The following RC3H1 variants were observed in gnomAD, a reference collection of about 807,000 sequenced individuals.
RC3H1 encodes the protein roquin-1.
A neutral mutation model predicts 138.2 loss-of-function variants in RC3H1; 50 were observed. The observed-to-expected ratio is 0.36, with a 90% confidence interval of 0.29 to 0.46. The LOEUF (loss-of-function observed/expected upper bound fraction) is 0.46, where lower values mean the gene tolerates loss of function less well. Ranked by LOEUF, RC3H1 falls within the 20% of genes least tolerant of loss-of-function variation. The pLI is 1.00. For missense variants in RC3H1, 1,031 were observed against 1,388.1 expected (o/e 0.74, Z 4.09); for synonymous variants, 462 against 489.1 (o/e 0.94, Z 0.73).
chr1:173,965,218 T>G, intron 9 of RC3H1, 98 bp from the exon 10 acceptor site: 1 of 1,081,578 alleles, frequency 9.2e-7, no homozygotes, highest in South Asian at 1.7e-5. Context: ...TATTCTCTCT[T>G]GAAACATTAA....
rs1658474012 is a variant in RC3H1, at chr1:173,933,723, T to A, written c.*4998A>T. 1 of 152,078 alleles carries A rather than the reference T, an allele frequency of 6.6e-6. No individual in the cohort carries two copies. The highest frequency in any genetic ancestry group is 2.1e-4 in the South Asian group (1 of 4,826). The allele number at this position is 152,078 out of a possible 1,614,324, so 9.4% of individuals were successfully genotyped here. ...ATATAAAAATCATAGCTGTCCAAGG[T>A]AGAAAGGTATGAATGTGGATCAGCA... On this transcript the variant is annotated 3_prime_UTR_variant, in exon 20 of 20. Transcript: ENST00000367696.
intron 1 of RC3H1, among the ~76,000 whole-genome samples, chr1:174,014,907 A>G (rs1661833250): frequency 6.6e-6 from 1 of 152,228 alleles, no homozygotes; most frequent in Admixed American, 6.5e-5. Context: ...AATTACAAAC[A>G]TAATTTTCCC....
At chr1:173,976,605 A>G (rs1283704640) in intron 7 of RC3H1, among the ~76,000 whole-genome samples, 1 of 152,218 alleles carries the variant, frequency 6.6e-6, no homozygotes, top group Non-Finnish European at 1.5e-5. Flanking sequence ...AGTTGAGTTC[A>G]AGAGTGTGCC....
chr1:173,955,715 A>G (rs1659615440), intron 13 of RC3H1, among the ~76,000 whole-genome samples: 1 of 152,180 alleles, frequency 6.6e-6, no homozygotes, highest in South Asian at 2.1e-4. Context: ...TTTTCCTTGA[A>G]ATAAAATCTG....
rs1205540902 is a variant in RC3H1 at position 173,934,989 on chromosome 1, T to C, written c.*3732A>G. 6.6e-6 allele frequency: 1 copy of C among 151,830 alleles called. No individual in the cohort carries two copies. 9.4% of individuals were successfully genotyped at this position (151,830 alleles called of 1,614,324 possible). On this transcript the variant is annotated 3_prime_UTR_variant, in exon 20 of 20. Coordinates refer to ENST00000367696, the MANE Select transcript of RC3H1 (RefSeq NM_172071.4). ...AGAATAGAAGGGAAGGGAAATAAGA[T>C]GGGAGAAAGGAATCACCAACATTAA...
Position 173,941,328 on chromosome 1 carries a change from G to C in RC3H1, c.3188C>G (p.Ala1063Gly). Reference sequence around the variant, plus strand: ...TTGTGGTTCTGGTTGTCCATTTTCTGCTTGTTTACTTGTATTCAGTTTGCT... The same window carrying C: ...TTGTGGTTCTGGTTGTCCATTTTCTCCTTGTTTACTTGTATTCAGTTTGCT... ...MKSKLNTSKQ[A>G]ENGQPEPQNK... The change falls in exon 19 of 20, where the codon GCA (alanine) becomes GGA (glycine). Residue 1063 changes from alanine to glycine, a missense_variant. By Grantham distance (60) the Ala-to-Gly change is moderately conservative. Around this residue, in one of 7 missense-constraint regions of RC3H1, gnomAD observed 716 missense variants for 837.9 expected, o/e 0.85. Coordinates refer to ENST00000367696, the MANE Select transcript of RC3H1 (RefSeq NM_172071.4). 1 of 1,613,744 alleles carries C rather than the reference G, an allele frequency of 6.2e-7. No individual in the cohort carries two copies. Among genetic ancestry groups the C allele is most frequent in the Non-Finnish European group, 8.5e-7 (1 of 1,179,860 alleles).
At chr1:173,971,292 A>G (rs1660351116) in intron 8 of RC3H1, among the ~76,000 whole-genome samples, 1 of 152,050 alleles carries the variant, frequency 6.6e-6, no homozygotes, top group South Asian at 2.1e-4. Context: ...GAAAAAACAA[A>G]CCACTGTAGT....
chr1:173,961,883 T>C lies in RC3H1; in HGVS notation c.2044A>G (p.Thr682Ala), dbSNP rs1659896692. The stretch of plus-strand genomic sequence containing the variant: ...CTTTCTCGGAATATCTCTTCTCTTG[T>C]GTAAGACGGAGCAGGGTACACTCGA... The part of the protein sequence containing the change: ...GRRVYPAPSY[T>A]REEIFRESPI... The change falls in exon 12 of 20, where the codon ACA becomes GCA. Residue 682 changes from threonine (T) to alanine (A), a missense_variant. Transcript: ENST00000367696. 2 of 1,614,176 alleles carry C rather than the reference T, an allele frequency of 1.2e-6. No individual in the cohort carries two copies. Among genetic ancestry groups the C allele is most frequent in the Non-Finnish European group, 1.7e-6 (2 of 1,180,028 alleles).
chr1:173,992,361 G>A (rs1317907181), intron 2 of RC3H1, among the ~76,000 whole-genome samples: 11 of 151,928 alleles, frequency 7.2e-5, no homozygotes, highest in Non-Finnish European at 1.5e-4. Context: ...TGGCCAGGCC[G>A]GTCTCAAACA....
chr1:173,969,831 G>T (rs1660275017), intron 9 of RC3H1, among the ~76,000 whole-genome samples: 1 of 151,880 alleles, frequency 6.6e-6, no homozygotes, highest in Non-Finnish European at 1.5e-5. Context: ...AAAAGAATCT[G>T]TTAAACTGAG....
At chr1:173,962,897 C>T in intron 11 of RC3H1, among the ~76,000 whole-genome samples, 1 of 152,024 alleles carries the variant, frequency 6.6e-6, no homozygotes, top group South Asian at 2.1e-4. Flanking sequence ...AATGCCATAT[C>T]AATTAAAAAA....
At chr1:173,954,911 T>G (rs1235835794) in intron 13 of RC3H1, among the ~76,000 whole-genome samples, 1 of 152,028 alleles carries the variant, frequency 6.6e-6, no homozygotes, top group Non-Finnish European at 1.5e-5. Context: ...ACAAAATGAT[T>G]TTCGATTTGA....
chr1:173,982,301 C>T (rs758931139), intron 5 of RC3H1, among the ~76,000 whole-genome samples: 93 of 152,140 alleles, frequency 6.1e-4, no homozygotes, highest in Non-Finnish European at 9.1e-4. Context: ...ATCGCTTGAA[C>T]GCAGGAGGTG....
At chr1:173,970,424 G>T in intron 9 of RC3H1, 81 bp downstream of exon 9, 1 of 863,434 alleles carries the variant, frequency 1.2e-6, no homozygotes, top group Non-Finnish European at 1.9e-6. Flanking sequence ...AGATAAAGCA[G>T]CTACTCTTTC....
At chr1:173,974,277 C>CAAAAAA (rs571801899) in intron 7 of RC3H1, among the ~76,000 whole-genome samples, 12 of 47,198 alleles carry the variant, frequency 2.5e-4, no homozygotes, top group Non-Finnish European at 3.5e-4. Flanking sequence ...GAGACTGTCT[C>CAAAAAA]AAAAAAAAAA....
Position 173,943,570 on chromosome 1 carries a change from C to T in RC3H1, c.3007G>A (p.Ala1003Thr). The T allele has an allele frequency of 6.2e-7, 1 of 1,613,968 alleles. No individual in the cohort carries two copies. Among genetic ancestry groups the T allele is most frequent in the Non-Finnish European group, 8.5e-7 (1 of 1,179,954 alleles). Reference sequence around the variant, plus strand: ...GGTGGTGGGGGCTGTGACTGGCCTGCCAGGGTGTTTGCCTCCCTCTGCAAC... The same window carrying T: ...GGTGGTGGGGGCTGTGACTGGCCTGTCAGGGTGTTTGCCTCCCTCTGCAAC... The part of the protein sequence containing the change: ...LVLQREANTL[A>T]GQSQPPPPPP... Residue 1003 changes from alanine (A) to threonine (T), a missense_variant, in exon 18 of 20, where the codon GCA becomes ACA. Physicochemically the swap from Ala to Thr is moderately conservative, Grantham distance 58. This residue lies in a region of RC3H1 where 716 missense variants were observed against 837.9 expected (regional missense o/e 0.85). Coordinates refer to ENST00000367696, the MANE Select transcript of RC3H1 (RefSeq NM_172071.4).
intron 1 of RC3H1, among the ~76,000 whole-genome samples, chr1:174,002,670 C>A (rs1250896931): frequency 6.6e-6 from 1 of 152,138 alleles, no homozygotes; most frequent in East Asian, 1.9e-4. Flanking sequence ...AGAGTCATAT[C>A]TCAATTCTTA....
chr1:174,017,670 T>C (rs1661883612), intron 1 of RC3H1, among the ~76,000 whole-genome samples: 1 of 151,536 alleles, frequency 6.6e-6, no homozygotes, highest in Non-Finnish European at 1.5e-5. Flanking sequence ...ATGTATAAAG[T>C]GCCACCTAAA....
intron 9 of RC3H1, 132 bp downstream of exon 9, chr1:173,970,373 G>A: frequency 1.5e-6 from 1 of 671,472 alleles, no homozygotes; most frequent in East Asian, 2.9e-5. Flanking sequence ...GAATAGGAAT[G>A]TTCAAGCTGT....
Sources: allele counts gnomAD v4.1 joint callset (sites outside exome capture counted in the v4.1 genomes callset), GRCh38; gene constraint gnomAD v4.1.1; regional missense constraint gnomAD v4.1.1; transcripts MANE v1.5; gene names NCBI Gene and HGNC (gene_info 2026-07-23, HGNC 2026-07-21).